Variants in NEDD9 observed in about 807,000 individuals in gnomAD.
NEDD9 encodes the protein enhancer of filamentation 1.
NEDD9 carries 26 observed loss-of-function variants against 76.6 expected under a neutral mutation model. That is an observed-to-expected ratio of 0.34 (90% CI 0.25 to 0.47). The LOEUF is 0.47. Ranked by LOEUF, NEDD9 falls within the 20% of genes least tolerant of loss-of-function variation. The pLI is 1.00. For synonymous variants in NEDD9, 392 were observed against 414.2 expected (o/e 0.95, Z 0.65); for missense variants, 937 against 1,058.5 (o/e 0.89, Z 1.59).
At chr6:11,299,539 C>T (rs9348842) in intron 3 of NEDD9, among the ~76,000 whole-genome samples, 53,815 of 152,080 alleles carry the variant, frequency 0.35, 10,565 homozygotes, top group East Asian at 0.7. Context: ...CAAGAACGGA[C>T]AGACTGCCTC....
intron 2 of NEDD9, among the ~76,000 whole-genome samples, chr6:11,311,412 G>A (rs960615019): frequency 6.6e-6 from 1 of 152,106 alleles, no homozygotes; most frequent in Non-Finnish European, 1.5e-5. Flanking sequence ...CAACCCTACC[G>A]ACCCGTTGGT....
intron 2 of NEDD9, chr6:11,200,893 G>C (rs1321174068): frequency 6.2e-7 from 1 of 1,608,492 alleles, no homozygotes; most frequent in African/African-American, 1.3e-5. Context: ...AGGAGATGAA[G>C]ATATTTATCC....
chr6:11,355,489 A>G (rs992889344), intron 1 of NEDD9, among the ~76,000 whole-genome samples: 1 of 152,184 alleles, frequency 6.6e-6, no homozygotes, highest in Non-Finnish European at 1.5e-5. Flanking sequence ...AGGGTGACGA[A>G]TTCATCCTGG....
chr6:11,244,646 G>T (rs1338648999), intron 3 of NEDD9, among the ~76,000 whole-genome samples: 2 of 152,194 alleles, frequency 1.3e-5, no homozygotes, highest in Non-Finnish European at 2.9e-5. Context: ...GTAACTCAGA[G>T]TCAATCCAAG....
chr6:11,233,911 C>A (rs1759548236), upstream of NEDD9, among the ~76,000 whole-genome samples: 1 of 151,826 alleles, frequency 6.6e-6, no homozygotes, highest in Non-Finnish European at 1.5e-5. Context: ...CAAGTTGGAT[C>A]AGAATCTGAT....
intron 2 of NEDD9, among the ~76,000 whole-genome samples, chr6:11,330,820 T>C (rs181644287): frequency 1.2e-3 from 185 of 152,338 alleles, no homozygotes; most frequent in Admixed American, 7.5e-3. Context: ...GATAAGTCCA[T>C]GAAAGCCTCA....
intron 1 of NEDD9, among the ~76,000 whole-genome samples, chr6:11,220,958 T>G (rs1159721859): frequency 6.6e-6 from 1 of 152,198 alleles, no homozygotes; most frequent in Non-Finnish European, 1.5e-5. Flanking sequence ...TGCATATATG[T>G]GTGTATACGT....
At chr6:11,188,335 T>C in intron 5 of NEDD9, 28 bp from the exon 6 acceptor site, 1 of 1,534,406 alleles carries the variant, frequency 6.5e-7, no homozygotes, top group South Asian at 1.1e-5. Context: ...AAAGAACATA[T>C]TATGTCATCA....
intron 1 of NEDD9, among the ~76,000 whole-genome samples, chr6:11,371,261 C>T (rs1025177391): frequency 2.0e-5 from 3 of 152,190 alleles, no homozygotes; most frequent in Admixed American, 6.5e-5. Flanking sequence ...ATCAATAAAC[C>T]TGCATTGACA....
In NEDD9 at chr6:11,185,047, A is replaced by G. The variant is rs1757940643; in HGVS notation, c.*115T>C. 6 of 1,279,334 alleles carry G rather than the reference A, an allele frequency of 4.7e-6. No individual in the cohort carries two copies. Among genetic ancestry groups the G allele is most frequent in the African/African-American group, 4.5e-5 (3 of 66,774 alleles). 79.2% of individuals were successfully genotyped at this position (1,279,334 alleles called of 1,614,324 possible). ...TGACTGACCCATAAAATGTTAAAAT[A>G]TTTCATTTTTATATAAAATATCTAC... On this transcript the variant is annotated 3_prime_UTR_variant, in exon 7 of 7. Transcript: ENST00000379446.
chr6:11,292,562 A>G (rs779410019), intron 3 of NEDD9, among the ~76,000 whole-genome samples: 4 of 152,176 alleles, frequency 2.6e-5, no homozygotes, highest in Admixed American at 6.5e-5. Flanking sequence ...CATTTTCCAG[A>G]CAAGCTCAGG....
intron 1 of NEDD9, among the ~76,000 whole-genome samples, chr6:11,371,396 AC>A (rs1167467982): frequency 1.1e-4 from 17 of 152,072 alleles, no homozygotes; most frequent in Non-Finnish European, 2.4e-4. Context: ...GAGGACTTTC[AC>A]TGCCCTCAAA....
chr6:11,249,058 G>A (rs915554532), intron 3 of NEDD9: 12 of 449,956 alleles, frequency 2.7e-5, no homozygotes, highest in African/African-American at 1.2e-4. Context: ...ATATGTCAAC[G>A]TGACTGGGCT....
intron 1 of NEDD9, among the ~76,000 whole-genome samples, chr6:11,357,586 A>G (rs112653374): frequency 1.3e-4 from 20 of 152,346 alleles, no homozygotes; most frequent in African/African-American, 4.8e-4. Context: ...TTATGTAACT[A>G]CTTGGAATCA....
intron 3 of NEDD9, among the ~76,000 whole-genome samples, chr6:11,285,079 T>C (rs764000225): frequency 3.3e-5 from 5 of 152,156 alleles, no homozygotes; most frequent in Non-Finnish European, 7.3e-5. Context: ...ACTGCATAAA[T>C]GTTAAACTCA....
At chr6:11,367,320 T>C (rs1427113412) in intron 1 of NEDD9, among the ~76,000 whole-genome samples, 1 of 152,234 alleles carries the variant, frequency 6.6e-6, no homozygotes, top group Non-Finnish European at 1.5e-5. Context: ...AGAATAACAT[T>C]CCTTTCTATT....
At chr6:11,297,921 T>TC in intron 3 of NEDD9, among the ~76,000 whole-genome samples, 1 of 151,464 alleles carries the variant, frequency 6.6e-6, no homozygotes, top group South Asian at 2.1e-4. Context: ...CTTTTTTTTT[T>TC]TTTGGAGACA....
At chr6:11,253,004 G>T (rs1325973865) in intron 3 of NEDD9, among the ~76,000 whole-genome samples, 1 of 152,096 alleles carries the variant, frequency 6.6e-6, no homozygotes, top group African/African-American at 2.4e-5. Flanking sequence ...ACATTATCTT[G>T]TGGGAGAGGA....
rs2113705590 is a variant in NEDD9 at position 11,185,057 on chromosome 6, T to C, written c.*105A>G. On this transcript the variant is annotated 3_prime_UTR_variant, in exon 7 of 7. Coordinates refer to ENST00000379446, the MANE Select transcript of NEDD9 (RefSeq NM_006403.4). ...ATAAAATGTTAAAATATTTCATTTT[T>C]ATATAAAATATCTACAAAAATAGAT... 7.6e-7 allele frequency: 1 copy of C among 1,307,824 alleles called. No individual in the cohort carries two copies. Among genetic ancestry groups the C allele is most frequent in the African/African-American group, 1.5e-5 (1 of 67,120 alleles). 81.0% of individuals were successfully genotyped at this position (1,307,824 alleles called of 1,614,324 possible). A position where few individuals can be genotyped will look rare whatever the true frequency, so the allele number is the denominator to read the frequency against.
Sources: allele counts gnomAD v4.1 joint callset (sites outside exome capture counted in the v4.1 genomes callset), GRCh38; gene constraint gnomAD v4.1.1; transcripts MANE v1.5; gene names NCBI Gene and HGNC (gene_info 2026-07-23, HGNC 2026-07-21).